Variants in CACNA2D3 observed in about 807,000 individuals in gnomAD.
CACNA2D3 encodes voltage-dependent calcium channel subunit alpha-2/delta-3.
A neutral mutation model predicts 160.6 loss-of-function variants in CACNA2D3; 60 were observed. The ratio of observed to expected loss-of-function variants is 0.37; its 90% confidence interval spans 0.30 to 0.46. CACNA2D3 has a LOEUF of 0.46. Among genes scored for constraint, CACNA2D3 ranks in the 20% least tolerant of loss-of-function variants. CACNA2D3 has a pLI of 1.00. For missense variants in CACNA2D3, 1,205 were observed against 1,365.0 expected, an observed-to-expected ratio of 0.88 and a Z score of 1.85; for synonymous variants, 558 against 492.9, an observed-to-expected ratio of 1.13 and a Z score of -1.75.
In CACNA2D3 at chr3:54,918,332, C is replaced by CTTTTTTTTTTTTTTTT. The variant is rs533596688; in HGVS notation, c.2449+18472_2449+18487dup. 188 of 228,012 alleles carry CTTTTTTTTTTTTTTTT rather than the reference C, an allele frequency of 8.2e-4. 16 individuals carry two copies. Among genetic ancestry groups the CTTTTTTTTTTTTTTTT allele is most frequent in the African/African-American group, 1.1e-3 (29 of 27,584 alleles). The allele number at this position is 228,012 out of a possible 1,614,324, so 14.1% of individuals were successfully genotyped here. On this transcript the variant is annotated intron_variant, in intron 27 of 37. Coordinates refer to ENST00000474759, the MANE Select transcript of CACNA2D3 (RefSeq NM_018398.3). ...TTTTACAGACACATCTTTTTTTTTT[C>CTTTTTTTTTTTTTTTT]TTTTTTTTTTTTTTTTTTTTTTTGT...
At chr3:54,231,394 G>A (rs1321767287) in intron 2 of CACNA2D3, among the ~76,000 whole-genome samples, 1 of 152,178 alleles carries the variant, frequency 6.6e-6, no homozygotes, top group East Asian at 1.9e-4. Flanking sequence ...CTCCCTTTCA[G>A]GGTAAGTGTG....
At chr3:54,641,912 G>A (rs1475169012) in intron 10 of CACNA2D3, among the ~76,000 whole-genome samples, 2 of 152,082 alleles carry the variant, frequency 1.3e-5, no homozygotes, top group East Asian at 3.9e-4. Context: ...GTTGGTTGGA[G>A]GGCTTAGAAT....
At chr3:54,355,888 T>C (rs929582955) in intron 3 of CACNA2D3, among the ~76,000 whole-genome samples, 1 of 152,172 alleles carries the variant, frequency 6.6e-6, no homozygotes, top group Non-Finnish European at 1.5e-5. Flanking sequence ...TAGTGCAAAG[T>C]GCATGTGTAG....
rs181312622 is a variant in CACNA2D3 at position 54,864,605 on chromosome 3, C to T, written c.1627-6934C>T. On this transcript the variant is annotated intron_variant, in intron 17 of 37. Transcript: ENST00000474759. Reference sequence around the variant, plus strand: ...CTGACACTGCTTCTCCTCTCCCTGGCCACCAAGCTCAGTTTCAGGGCAGGC... The same window carrying T: ...CTGACACTGCTTCTCCTCTCCCTGGTCACCAAGCTCAGTTTCAGGGCAGGC... Among the ~76,000 whole-genome samples, 5 of 152,304 alleles carry T rather than the reference C, an allele frequency of 3.3e-5. No individual in the cohort carries two copies. The East Asian group carries it at 9.7e-4, about 29-fold the overall frequency.
At chr3:54,394,425 T>C (rs1446763561) in intron 4 of CACNA2D3, among the ~76,000 whole-genome samples, 3 of 147,372 alleles carry the variant, frequency 2.0e-5, no homozygotes, top group African/African-American at 7.6e-5. Flanking sequence ...CCCACTAACG[T>C]GTCATCTAGC....
chr3:54,490,257 G>A (rs899417296), intron 4 of CACNA2D3, among the ~76,000 whole-genome samples: 2 of 152,208 alleles, frequency 1.3e-5, no homozygotes, highest in Admixed American at 6.5e-5. Context: ...ACCTGAGGAG[G>A]TGGGCGGCAC....
chr3:55,050,156 C>T (rs900596784), intron 35 of CACNA2D3, among the ~76,000 whole-genome samples: 1 of 150,660 alleles, frequency 6.6e-6, no homozygotes, highest in African/African-American at 2.5e-5. Context: ...TTGATGTTAG[C>T]TGGTTATTTT....
chr3:54,782,596 G>T (rs78319253), intron 13 of CACNA2D3, among the ~76,000 whole-genome samples: 2,350 of 152,112 alleles, frequency 0.015, 49 homozygotes, highest in African/African-American at 0.052. Flanking sequence ...CTTCCCAGCA[G>T]AAGAGCATTC....
chr3:54,918,800 G>T, intron 27 of CACNA2D3: 1 of 1,613,828 alleles, frequency 6.2e-7, no homozygotes, highest in Non-Finnish European at 8.5e-7. Flanking sequence ...GCAGGAAGAG[G>T]GCAGGGCTGG....
intron 4 of CACNA2D3, among the ~76,000 whole-genome samples, chr3:54,467,613 A>G (rs920795599): frequency 6.6e-6 from 1 of 152,190 alleles, no homozygotes; most frequent in Non-Finnish European, 1.5e-5. Flanking sequence ...ATATTGAGTG[A>G]AATAAGCCAG....
chr3:54,710,038 CA>C (rs1289621230), intron 11 of CACNA2D3, among the ~76,000 whole-genome samples: 1 of 152,086 alleles, frequency 6.6e-6, no homozygotes, highest in Admixed American at 6.6e-5. Context: ...AGGTGGGAGT[CA>C]AAAATCAGAG....
chr3:55,028,225 G>A (rs1019171003), intron 35 of CACNA2D3, among the ~76,000 whole-genome samples: 2 of 152,174 alleles, frequency 1.3e-5, no homozygotes, highest in African/African-American at 4.8e-5. Flanking sequence ...ACATTTGTAT[G>A]TCTATAGCAT....
intron 11 of CACNA2D3, among the ~76,000 whole-genome samples, chr3:54,717,083 A>G: frequency 6.6e-6 from 1 of 152,148 alleles, no homozygotes; most frequent in East Asian, 1.9e-4. Flanking sequence ...TTATTGCACC[A>G]GAACCTTATG....
intron 13 of CACNA2D3, among the ~76,000 whole-genome samples, chr3:54,788,622 A>T (rs1450748677): frequency 6.6e-6 from 1 of 152,192 alleles, no homozygotes. Context: ...AGGCTCCTTG[A>T]CAACTCAATG....
intron 3 of CACNA2D3, among the ~76,000 whole-genome samples, chr3:54,328,631 G>A (rs145273468): frequency 2.8e-4 from 42 of 152,134 alleles, no homozygotes; most frequent in South Asian, 6.3e-4. Flanking sequence ...GGGTCCCTCC[G>A]GCTCCTCATC....
chr3:54,124,744 A>G (rs890380863), intron 2 of CACNA2D3, among the ~76,000 whole-genome samples: 1 of 152,248 alleles, frequency 6.6e-6, no homozygotes, highest in Non-Finnish European at 1.5e-5. Flanking sequence ...TGGTTTAAAA[A>G]TCGCCAATAG....
rs373790133 is a variant in CACNA2D3, at chr3:54,214,104, G to A, written c.204+90510G>A. Among the ~76,000 whole-genome samples, 9 of 152,250 alleles carry A rather than the reference G, an allele frequency of 5.9e-5. No homozygotes were observed. In the East Asian group the frequency reaches 1.5e-3, roughly 26 times the overall value. The stretch of plus-strand genomic sequence containing the variant: ...TGGCATGGGGCCTTCAGAGCATCTC[G>A]TGGTGACTCATAAATACCAGAGATG... On this transcript the variant is annotated intron_variant, in intron 2 of 37. Transcript: ENST00000474759.
chr3:54,451,229 CTTTTTTTTTTTTTT>C (rs71074970), intron 4 of CACNA2D3, among the ~76,000 whole-genome samples: 80 of 51,756 alleles, frequency 1.5e-3, no homozygotes, highest in African/African-American at 6.1e-3. Context: ...ATATAATAAT[CTTTTTTTTTTTTTT>C]TTTTTTTTTT....
At chr3:54,652,950 T>G (rs1388116244) in intron 11 of CACNA2D3, among the ~76,000 whole-genome samples, 1 of 151,966 alleles carries the variant, frequency 6.6e-6, no homozygotes, top group Non-Finnish European at 1.5e-5. Context: ...ACCCGGCTAA[T>G]TTTTGTATTT....
Sources: allele counts gnomAD v4.1 joint callset (sites outside exome capture counted in the v4.1 genomes callset), GRCh38; gene constraint gnomAD v4.1.1; transcripts MANE v1.5; gene names NCBI Gene and HGNC (gene_info 2026-07-23, HGNC 2026-07-21).